The following PTCD1 variants were observed in gnomAD, a reference collection of about 807,000 sequenced individuals.
PTCD1 encodes the protein pentatricopeptide repeat domain 1, also known as pentatricopeptide repeat-containing protein 1, mitochondrial.
A neutral mutation model predicts 53.4 loss-of-function variants in PTCD1; 50 were observed. That is an observed-to-expected ratio of 0.94 (90% CI 0.75 to 1.19). The LOEUF (loss-of-function observed/expected upper bound fraction) is 1.19. Ranked by LOEUF, PTCD1 falls within the 50% of genes most tolerant of loss-of-function variation. The pLI is 0.00. For missense variants in PTCD1, 918 were observed against 904.8 expected (o/e 1.01, Z -0.19); for synonymous variants, 413 against 394.8 (o/e 1.05, Z -0.55).
Position 99,423,892 on chromosome 7 carries a change from CAG to C in PTCD1, c.1801_1802del (p.Leu601GlufsTer38). ...SALINAAIRKLNYTYLISILK... is the reference protein window; with the variant it reads ...SALINAAIRKXNYTYLISILK... ...AGATGCTGATGAGATAGGTGTAGTT[CAG>C]CTTCCTGATGGCCGCGTTGATGAGG... On this transcript the variant is annotated frameshift_variant, in exon 7 of 8. Transcript: ENST00000292478. LOFTEE classifies it high-confidence loss of function. 6.2e-7 allele frequency: 1 copy of C among 1,614,166 alleles called. No individual in the cohort carries two copies. The highest frequency in any genetic ancestry group is 1.1e-5 in the South Asian group (1 of 91,076).
chr7:99,432,061 G>A (rs1300905766), intron 3 of PTCD1, among the ~76,000 whole-genome samples: 3 of 152,220 alleles, frequency 2.0e-5, no homozygotes, highest in Non-Finnish European at 4.4e-5. Flanking sequence ...GAAGGCCGCA[G>A]GGACCTCTGC....
In PTCD1 at chr7:99,425,616, C is replaced by A; in HGVS notation, c.916G>T (p.Val306Leu). ...CCTAGACTCAGCATCAGCCGCCACA[C>A]CTGCCACGGAAGAGACAAACGTCAG... is the stretch of plus-strand genomic sequence containing the variant. Reference protein sequence around the residue: ...KKTGFRYALQVWRLMLSLGLQ... With the variant: ...KKTGFRYALQLWRLMLSLGLQ... Residue 306 changes from valine (V) to leucine (L), a missense_variant and splice_region_variant, in exon 6 of 8, where the codon GTG (valine) becomes TTG (leucine). Physicochemically the swap from Val to Leu is conservative, Grantham distance 32. Coordinates refer to ENST00000292478, the MANE Select transcript of PTCD1 (RefSeq NM_015545.4). 6.2e-7 allele frequency: 1 copy of A among 1,607,494 alleles called. No homozygotes were observed. Among genetic ancestry groups the A allele is most frequent in the Non-Finnish European group, 8.5e-7 (1 of 1,178,254 alleles).
intron 5 of PTCD1, among the ~76,000 whole-genome samples, chr7:99,428,601 C>T (rs996569861): frequency 1.3e-5 from 2 of 151,748 alleles, no homozygotes; most frequent in African/African-American, 2.4e-5. Context: ...ATTAGCTGGG[C>T]GTGGTGGCGG....
At chr7:99,428,551 G>A (rs1392473875) in intron 5 of PTCD1, among the ~76,000 whole-genome samples, 1 of 151,720 alleles carries the variant, frequency 6.6e-6, no homozygotes, top group African/African-American at 2.4e-5. Context: ...AGACCAGCCT[G>A]GTCAACATGG....
At chr7:99,438,390 C>CT (rs1247608129) in intron 1 of PTCD1, among the ~76,000 whole-genome samples, 6 of 152,052 alleles carry the variant, frequency 3.9e-5, no homozygotes, top group Non-Finnish European at 7.4e-5. Context: ...TCGCTTGAGT[C>CT]TGAGAAGTTG....
At position 99,435,142 on chromosome 7, in the gene PTCD1, C is replaced by T. The variant is rs1429047551; in HGVS notation, c.101G>A (p.Gly34Asp). 1.2e-6 allele frequency: 2 copies of T among 1,600,826 alleles called. No homozygotes were observed. Among genetic ancestry groups the T allele is most frequent in the Non-Finnish European group, 1.7e-6 (2 of 1,175,006 alleles). The change falls in exon 2 of 8, where the codon GGC (glycine) becomes GAC (aspartate). Residue 34 changes from glycine (G) to aspartate (D), a missense_variant. Transcript: ENST00000292478. ...CATTGGCCGCATCAGCCCCTCCCTGCCTCCTGCCCACCTGGCTCTACAGGG... is the reference window on the plus strand; with the variant it reads ...CATTGGCCGCATCAGCCCCTCCCTGTCTCCTGCCCACCTGGCTCTACAGGG... ...LDPCRARWAG[G>D]REGLMRPMWA... is the part of the protein sequence containing the mutation.
Position 99,429,528 on chromosome 7 carries a change from T to TG in PTCD1, c.813+59dup, listed in dbSNP as rs1796179651. 4.3e-6 allele frequency: 7 copies of TG among 1,611,498 alleles called. No homozygotes were observed. In the South Asian group the frequency reaches 6.6e-5, roughly 15 times the overall value. On this transcript the variant is annotated intron_variant, in intron 4 of 7. Transcript: ENST00000292478. ...TGAGGAGAGACAGACACCACAGCCC[T>TG]GCCCCTGACACGTGGGACCAGCCCC...
At chr7:99,434,051 CAAA>C (rs552163766) in intron 2 of PTCD1, among the ~76,000 whole-genome samples, 3 of 48,670 alleles carry the variant, frequency 6.2e-5, no homozygotes, top group Admixed American at 2.5e-4. Flanking sequence ...GACTCCATCT[CAAA>C]AAAAAAAAAA....
chr7:99,429,773 T>C lies in PTCD1; in HGVS notation c.628A>G (p.Thr210Ala). 1 of 1,614,100 alleles carries C rather than the reference T, an allele frequency of 6.2e-7. No homozygotes were observed. The highest frequency in any genetic ancestry group is 2.2e-5 in the East Asian group (1 of 44,868). ...CAGACGTTGAACAGGGCCGTGTAGGTGGCGTCCGAGGGCTCCAGGTCCCGC... is the reference window on the plus strand; with the variant it reads ...CAGACGTTGAACAGGGCCGTGTAGGCGGCGTCCGAGGGCTCCAGGTCCCGC... ...KKRDLEPSDA[T>A]YTALFNVCAE... The change falls in exon 4 of 8, where the codon ACC (threonine) becomes GCC (alanine). Residue 210 changes from threonine (T) to alanine (A), a missense_variant. Thr to Ala is a moderately conservative substitution (Grantham distance 58, BLOSUM62 0). Transcript: ENST00000292478.
At chr7:99,421,571 C>T (rs1243732893) in intron 7 of PTCD1, among the ~76,000 whole-genome samples, 3 of 148,148 alleles carry the variant, frequency 2.0e-5, no homozygotes, top group Non-Finnish European at 3.0e-5. Flanking sequence ...GGTGAAACCC[C>T]GTCTCTACTA....
intron 1 of PTCD1, among the ~76,000 whole-genome samples, 199 bp from the exon 2 acceptor site, chr7:99,435,467 C>T (rs1242177281): frequency 2.7e-5 from 4 of 150,732 alleles, no homozygotes; most frequent in South Asian, 2.1e-4. Context: ...GGTGAAACCC[C>T]GTCTCTATGA....
At chr7:99,438,231 G>A (rs1796568631) in intron 1 of PTCD1, among the ~76,000 whole-genome samples, 1 of 151,740 alleles carries the variant, frequency 6.6e-6, no homozygotes, top group Non-Finnish European at 1.5e-5. Flanking sequence ...AGGAGTTCGA[G>A]ACCAGCCTGG....
At chr7:99,425,653 C>T (rs762422326) in intron 5 of PTCD1, 37 bp from the exon 6 acceptor site, 2 of 1,581,772 alleles carry the variant, frequency 1.3e-6, no homozygotes, top group South Asian at 2.3e-5. Flanking sequence ...TGGGTGCTCC[C>T]ATTCAGCAGC....
Position 99,419,563 on chromosome 7 carries a change from G to T in PTCD1, c.*404C>A, listed in dbSNP as rs562298020. On this transcript the variant is annotated 3_prime_UTR_variant, in exon 8 of 8. Transcript: ENST00000292478. ...TTGGAGCACGGTCTCTATGGGGAAGGCTTCGCTGTCTATCAGCTGTGATTT... is the reference window on the plus strand; with the variant it reads ...TTGGAGCACGGTCTCTATGGGGAAGTCTTCGCTGTCTATCAGCTGTGATTT... 1.8e-6 allele frequency: 2 copies of T among 1,113,462 alleles called. No individual in the cohort carries two copies. Among genetic ancestry groups the T allele is most frequent in the Admixed American group, 1.9e-5 (1 of 51,534 alleles). The allele number at this position is 1,113,462 out of a possible 1,614,324, so 69.0% of individuals were successfully genotyped here. A position where few individuals can be genotyped will look rare whatever the true frequency, so the allele number is the denominator to read the frequency against.
chr7:99,434,473 C>A (rs1796382341), intron 2 of PTCD1, among the ~76,000 whole-genome samples: 1 of 150,536 alleles, frequency 6.6e-6, no homozygotes, highest in Non-Finnish European at 1.5e-5. Context: ...GCAGGGAGTG[C>A]TAGAAGGGTG....
chr7:99,420,151 T>C lies in PTCD1; in HGVS notation c.1921-2A>G, dbSNP rs761391093. ...CAGGTAGGTGTTCTTCCCTTGGTAC[T>C]AGAATTAGAAAAGTGAGGCTAGAAT... On this transcript the variant is annotated splice_acceptor_variant, in intron 7 of 7. Coordinates refer to ENST00000292478, the MANE Select transcript of PTCD1 (RefSeq NM_015545.4). LOFTEE classifies it high-confidence loss of function. 4 of 1,614,138 alleles carry C rather than the reference T, an allele frequency of 2.5e-6. No individual in the cohort carries two copies. Among genetic ancestry groups the C allele is most frequent in the Non-Finnish European group, 2.5e-6 (3 of 1,180,020 alleles).
chr7:99,419,522 G>A lies in PTCD1; in HGVS notation c.*445C>T, dbSNP rs994336675. 4.6e-6 allele frequency: 7 copies of A among 1,537,906 alleles called. No homozygotes were observed. Among genetic ancestry groups the A allele is most frequent in the Non-Finnish European group, 5.4e-6 (6 of 1,121,016 alleles). ...ACCCCCTTCCTGGGAGCAGCGAGCAGTGCCCCAGGCCCGAGTTGGAGCACG... is the reference window on the plus strand; with the variant it reads ...ACCCCCTTCCTGGGAGCAGCGAGCAATGCCCCAGGCCCGAGTTGGAGCACG... On this transcript the variant is annotated 3_prime_UTR_variant, in exon 8 of 8. Transcript: ENST00000292478.
In PTCD1 at chr7:99,435,140, T is replaced by C; in HGVS notation, c.103A>G (p.Arg35Gly). 6.2e-7 allele frequency: 1 copy of C among 1,601,280 alleles called. No homozygotes were observed. Among genetic ancestry groups the C allele is most frequent in the Non-Finnish European group, 8.5e-7 (1 of 1,175,316 alleles). Residue 35 changes from arginine (R) to glycine (G), a missense_variant, in exon 2 of 8, where the codon AGG (arginine) becomes GGG (glycine). Physicochemically the swap from Arg to Gly is moderately radical, Grantham distance 125 (BLOSUM62 -2). Transcript: ENST00000292478. ...CACATTGGCCGCATCAGCCCCTCCC[T>C]GCCTCCTGCCCACCTGGCTCTACAG... is the stretch of plus-strand genomic sequence containing the variant. The part of the protein sequence containing the change: ...DPCRARWAGG[R>G]EGLMRPMWAP...
intron 5 of PTCD1, among the ~76,000 whole-genome samples, chr7:99,426,051 CGA>C (rs1203255319): frequency 6.6e-6 from 1 of 151,974 alleles, no homozygotes; most frequent in African/African-American, 2.4e-5. Context: ...GGTGACAGAG[CGA>C]GAGTGTCTCA....
Sources: allele counts gnomAD v4.1 joint callset (sites outside exome capture counted in the v4.1 genomes callset), GRCh38; gene constraint gnomAD v4.1.1; transcripts MANE v1.5; gene names NCBI Gene and HGNC (gene_info 2026-07-23, HGNC 2026-07-21).